Variants in SMARCA2 observed in about 807,000 individuals in gnomAD.
SMARCA2 encodes SWI/SNF related BAF chromatin remodeling complex subunit ATPase 2, also known as SWI/SNF-related matrix-associated actin-dependent regulator of chromatin subfamily A member 2.
In SMARCA2, 61 loss-of-function variants were observed where a neutral mutation model predicts 199.8. That is an observed-to-expected ratio of 0.31 (90% confidence interval 0.25 to 0.38). SMARCA2 has a LOEUF of 0.38. Ranked by LOEUF, SMARCA2 falls within the 10% of genes least tolerant of loss-of-function variation. SMARCA2 has a pLI of 1.00. For missense variants in SMARCA2, 1,344 were observed against 2,012.2 expected (o/e 0.67, Z 6.35); for synonymous variants, 935 against 732.0 (o/e 1.28, Z -4.48).
At chr9:2,144,861 C>T (rs763577867) in intron 27 of SMARCA2, among the ~76,000 whole-genome samples, 1 of 152,180 alleles carries the variant, frequency 6.6e-6, no homozygotes, top group Non-Finnish European at 1.5e-5. Flanking sequence ...CTGCTGAGGA[C>T]ATCCAGACTT....
intron 1 of SMARCA2, among the ~76,000 whole-genome samples, 171 bp downstream of exon 1, chr9:2,015,575 A>G (rs985593008): frequency 4.6e-5 from 7 of 152,164 alleles, no homozygotes; most frequent in African/African-American, 1.7e-4. Flanking sequence ...CAGGCGGGCC[A>G]ACCGCCGCGA....
chr9:2,089,106 C>G (rs895169191), intron 19 of SMARCA2, among the ~76,000 whole-genome samples: 1 of 152,076 alleles, frequency 6.6e-6, no homozygotes, highest in Non-Finnish European at 1.5e-5. Flanking sequence ...AAATTACAGA[C>G]ACATCATCTA....
intron 27 of SMARCA2, among the ~76,000 whole-genome samples, chr9:2,130,792 T>C (rs1823913396): frequency 6.6e-6 from 1 of 152,160 alleles, no homozygotes; most frequent in Non-Finnish European, 1.5e-5. Flanking sequence ...CTTGGAAACA[T>C]ATATTTGCTT....
chr9:2,104,888 TA>T lies in SMARCA2; in HGVS notation c.3292+720del, dbSNP rs1822683802. ...TTTATACACAATGGAAGGGCATAAATATGGCATTCAAAGAGTGGTAAGTAGG... is the reference window on the plus strand; with the variant it reads ...TTTATACACAATGGAAGGGCATAAATTGGCATTCAAAGAGTGGTAAGTAGG... On this transcript the variant is annotated intron_variant, in intron 23 of 33. Transcript: ENST00000349721. The surrounding 1 kb of genome is among the most constrained non-coding windows in gnomAD (Gnocchi z 4.0). Among the ~76,000 whole-genome samples the T allele has an allele frequency of 6.6e-6, 1 of 152,170 alleles. No individual in the cohort carries two copies. The highest frequency in any genetic ancestry group is 1.5e-5 in the Non-Finnish European group (1 of 68,018).
At chr9:2,042,684 C>T (rs1447924359) in intron 4 of SMARCA2, 2 of 150,626 alleles carry the variant, frequency 1.3e-5, no homozygotes, top group East Asian at 1.9e-4. Context: ...AACCTGGCTC[C>T]GGTACCTACA....
chr9:2,135,297 C>A (rs1047432922), intron 27 of SMARCA2, among the ~76,000 whole-genome samples: 8 of 152,120 alleles, frequency 5.3e-5, no homozygotes, highest in African/African-American at 1.9e-4. Flanking sequence ...TGATTCCTAC[C>A]TATGTGGGTG....
chr9:2,053,202 A>G (rs907679348), intron 5 of SMARCA2, among the ~76,000 whole-genome samples: 3 of 152,156 alleles, frequency 2.0e-5, no homozygotes, highest in African/African-American at 7.2e-5. Context: ...TTTAGCTGCC[A>G]CTTAAAAGTG....
In SMARCA2 at chr9:2,047,337, C is replaced by T. The variant is rs1010890724; in HGVS notation, c.899C>T (p.Ala300Val). The change falls in exon 5 of 34, where the codon GCC (alanine) becomes GTC (valine). Residue 300 changes from alanine (A) to valine (V), a missense_variant. By Grantham distance (64) the Ala-to-Val change is moderately conservative. Transcript: ENST00000349721. The part of the protein sequence containing the change: ...APPAAAQPPA[A>V]AVPGPSVPQP... ...CCCGCAGCCGCGCAGCCGCCCGCGG[C>T]CGCAGTGCCCGGGCCCTCAGTGCCG... 2.4e-5 allele frequency: 29 copies of T among 1,231,276 alleles called. No individual in the cohort carries two copies. Among genetic ancestry groups the T allele is most frequent in the Non-Finnish European group, 3.0e-5 (29 of 971,470 alleles). 76.3% of individuals were successfully genotyped at this position (1,231,276 alleles called of 1,614,324 possible).
At chr9:2,120,548 A>G (rs563600692) in intron 26 of SMARCA2, among the ~76,000 whole-genome samples, 1 of 152,354 alleles carries the variant, frequency 6.6e-6, no homozygotes, top group Non-Finnish European at 1.5e-5. Context: ...ACTGTGGGCC[A>G]AATATGATCC....
chr9:2,176,927 C>T (rs890100763), intron 29 of SMARCA2, among the ~76,000 whole-genome samples: 1 of 152,090 alleles, frequency 6.6e-6, no homozygotes, highest in East Asian at 1.9e-4. Context: ...CCCTGTTTTG[C>T]TCTTGCTTCA....
intron 29 of SMARCA2, among the ~76,000 whole-genome samples, chr9:2,176,006 G>GA (rs886197015): frequency 6.6e-6 from 1 of 151,624 alleles, no homozygotes; most frequent in African/African-American, 2.4e-5. Context: ...TCAGCCTCCT[G>GA]AGTAGCTGGG....
chr9:2,035,128 A>G (rs7852483), intron 3 of SMARCA2, among the ~76,000 whole-genome samples: 41,873 of 151,050 alleles, frequency 0.28, 6,655 homozygotes, highest in African/African-American at 0.43. Context: ...TGCAACCTCT[A>G]CCTCCCGGGT....
chr9:2,124,904 C>T (rs1267612574), intron 27 of SMARCA2, among the ~76,000 whole-genome samples: 1 of 152,114 alleles, frequency 6.6e-6, no homozygotes, highest in Non-Finnish European at 1.5e-5. Context: ...CAGACACAGC[C>T]AGTAAATGCA....
rs776318468 is a variant in SMARCA2 at position 2,191,353 on chromosome 9, G to C, written c.4682G>C (p.Gly1561Ala). The C allele has an allele frequency of 6.2e-7, 1 of 1,614,218 alleles. No individual in the cohort carries two copies. Among genetic ancestry groups the C allele is most frequent in the East Asian group, 2.2e-5 (1 of 44,886 alleles). Reference sequence around the variant, plus strand: ...AAAGGCAAGAAAAGGCCAAATCGAGGAAAAGCCAAACCTGTAGTGAGCGAT... The same window carrying C: ...AAAGGCAAGAAAAGGCCAAATCGAGCAAAAGCCAAACCTGTAGTGAGCGAT... ...KGKGKKRPNR[G>A]KAKPVVSDFD... The change falls in exon 33 of 34, where the codon GGA becomes GCA. Residue 1561 changes from glycine (G) to alanine (A), a missense_variant. Gly to Ala is a moderately conservative substitution (Grantham distance 60, BLOSUM62 0). This residue lies in a region of SMARCA2 where 155 missense variants were observed against 121.1 expected (regional missense o/e 1.28). Coordinates refer to ENST00000349721, the MANE Select transcript of SMARCA2 (RefSeq NM_003070.5).
chr9:2,145,769 C>T (rs1190497225), intron 27 of SMARCA2, among the ~76,000 whole-genome samples: 1 of 152,196 alleles, frequency 6.6e-6, no homozygotes, highest in Non-Finnish European at 1.5e-5. Context: ...TAGTTTCCCT[C>T]CCTCATTACT....
intron 10 of SMARCA2, among the ~76,000 whole-genome samples, chr9:2,070,863 A>G (rs1821058696): frequency 6.6e-6 from 1 of 152,260 alleles, no homozygotes; most frequent in Non-Finnish European, 1.5e-5. Flanking sequence ...AATTATAAAA[A>G]TACATAAACT....
Position 2,104,732 on chromosome 9 carries a change from T to G in SMARCA2, c.3292+563T>G, listed in dbSNP as rs1206487161. Among the ~76,000 whole-genome samples, 1 of 152,214 alleles carries G rather than the reference T, an allele frequency of 6.6e-6. No homozygotes were observed. Among genetic ancestry groups the G allele is most frequent in the Non-Finnish European group, 1.5e-5 (1 of 68,022 alleles). On this transcript the variant is annotated intron_variant, in intron 23 of 33. Coordinates refer to ENST00000349721, the MANE Select transcript of SMARCA2 (RefSeq NM_003070.5). This position sits in a 1 kb window ranked among gnomAD's most constrained non-coding sequence, Gnocchi z 4.0. ...ATTTGCCTGGTTTTAAGAGTGAAATTTAAATACCGTGTCCTAAAAATTAGT... is the reference window on the plus strand; with the variant it reads ...ATTTGCCTGGTTTTAAGAGTGAAATGTAAATACCGTGTCCTAAAAATTAGT...
chr9:2,176,716 C>CTAAG (rs1226598091), intron 29 of SMARCA2, among the ~76,000 whole-genome samples: 1 of 117,690 alleles, frequency 8.5e-6, no homozygotes, highest in African/African-American at 3.3e-5. Context: ...CCACGCCTGG[C>CTAAG]TAAGTTTTGT....
In SMARCA2 at chr9:2,170,612, G is replaced by A; in HGVS notation, c.4253+140G>A. The A allele has an allele frequency of 1.5e-6, 2 of 1,375,858 alleles. No homozygotes were observed. The highest frequency in any genetic ancestry group is 2.0e-6 in the Non-Finnish European group (2 of 995,052). The allele number at this position is 1,375,858 out of a possible 1,614,324, so 85.2% of individuals were successfully genotyped here. ...TCACCCCTACTTGGAGAGCGGGATA[G>A]AGGCACAGATACTCTTAAACAGCTG... On this transcript the variant is annotated intron_variant, in intron 29 of 33. Coordinates refer to ENST00000349721, the MANE Select transcript of SMARCA2 (RefSeq NM_003070.5). The surrounding 1 kb of genome is among the most constrained non-coding windows in gnomAD (Gnocchi z 4.7).
Sources: allele counts gnomAD v4.1 joint callset (sites outside exome capture counted in the v4.1 genomes callset), GRCh38; gene constraint gnomAD v4.1.1; regional missense constraint gnomAD v4.1.1; non-coding constraint Gnocchi (gnomAD v3.1); transcripts MANE v1.5; gene names NCBI Gene and HGNC (gene_info 2026-07-23, HGNC 2026-07-21).